The following SKOR2 variants were observed in gnomAD, a reference collection of about 807,000 sequenced individuals.
SKOR2 encodes the protein SKI family transcriptional corepressor 2, also known as LBX1 corepressor 1-like protein.
Under a neutral mutation model 69.1 loss-of-function variants are expected in SKOR2, and 47 were observed. The observed-to-expected ratio is 0.68, with a 90% CI of 0.54 to 0.87. SKOR2 has a LOEUF of 0.87. SKOR2 is among the 40% of genes least tolerant of loss of function. The pLI, the probability that SKOR2 is intolerant of heterozygous loss-of-function variation, is 0.00. For missense variants in SKOR2, 1,404 were observed against 1,472.2 expected (o/e 0.95, Z 0.76); for synonymous variants, 717 against 672.6 (o/e 1.07, Z -1.02).
intron 6 of SKOR2, among the ~76,000 whole-genome samples, chr18:47,224,872 G>A (rs1166028943): frequency 3.9e-5 from 6 of 151,950 alleles, no homozygotes; most frequent in Non-Finnish European, 8.8e-5. Context: ...CTCCTGCCTC[G>A]ACTTCCCAAA....
chr18:47,234,711 A>C (rs2064214168), intron 4 of SKOR2, among the ~76,000 whole-genome samples: 1 of 152,010 alleles, frequency 6.6e-6, no homozygotes, highest in Admixed American at 6.6e-5. Context: ...AAATACAAAA[A>C]CTAGCTGGGC....
intron 4 of SKOR2, among the ~76,000 whole-genome samples, chr18:47,238,234 A>G (rs920811536): frequency 6.6e-6 from 1 of 151,968 alleles, no homozygotes; most frequent in Non-Finnish European, 1.5e-5. Context: ...TCCACAGAGG[A>G]AGTCTGCAGA....
At chr18:47,238,849 T>G (rs892845515) in intron 4 of SKOR2, among the ~76,000 whole-genome samples, 1 of 152,220 alleles carries the variant, frequency 6.6e-6, no homozygotes, top group African/African-American at 2.4e-5. Context: ...AATCTTTGCA[T>G]GCTGCTCCCA....
At chr18:47,241,799 T>A (rs1366140052) in intron 4 of SKOR2, among the ~76,000 whole-genome samples, 1 of 152,204 alleles carries the variant, frequency 6.6e-6, no homozygotes, top group Non-Finnish European at 1.5e-5. Context: ...TAAGATTGTA[T>A]AACCTCCTAC....
intron 4 of SKOR2, among the ~76,000 whole-genome samples, chr18:47,244,202 AG>A (rs2064260953): frequency 6.6e-6 from 1 of 151,936 alleles, no homozygotes; most frequent in African/African-American, 2.4e-5. Flanking sequence ...CTCACTTCCT[AG>A]CTTGCTCTCT....
Position 47,247,500 on chromosome 18 carries a change from G to C in SKOR2, c.1684C>G (p.Pro562Ala). The C allele has an allele frequency of 1.7e-6, 2 of 1,209,270 alleles. No individual in the cohort carries two copies. Among genetic ancestry groups the C allele is most frequent in the African/African-American group, 1.6e-5 (1 of 63,228 alleles). 74.9% of individuals were successfully genotyped at this position (1,209,270 alleles called of 1,614,324 possible). A position where few individuals can be genotyped will look rare whatever the true frequency, so the allele number is the denominator to read the frequency against. Reference sequence around the variant, plus strand: ...CTGCAGTCCCCGCCGCTGCCGCCCGGGGGCGACTCGAAGAGCGCGTCGCGA... The same window carrying C: ...CTGCAGTCCCCGCCGCTGCCGCCCGCGGGCGACTCGAAGAGCGCGTCGCGA... The part of the protein sequence containing the change: ...GSRDALFESP[P>A]GGSGGDCSAG... The change falls in exon 2 of 9, where the codon CCG becomes GCG. Residue 562 changes from proline to alanine, a missense_variant. By Grantham distance (27) the Pro-to-Ala change is conservative. Transcript: ENST00000425639. The surrounding 1 kb of genome is among the most constrained non-coding windows in gnomAD (Gnocchi z 6.6).
chr18:47,247,628 G>A lies in SKOR2; in HGVS notation c.1556C>T (p.Ala519Val). 7.5e-7 allele frequency: 1 copy of A among 1,334,150 alleles called. No individual in the cohort carries two copies. The highest frequency in any genetic ancestry group is 9.6e-7 in the Non-Finnish European group (1 of 1,045,782). The allele number at this position is 1,334,150 out of a possible 1,614,324, so 82.6% of individuals were successfully genotyped here. ...AFLDLAEPGG[A>V]AGSAEAAPPP... ...GGGCGCGGCCTCGGCGCTCCCAGCA[G>A]CACCGCCTGGCTCAGCCAGGTCCAG... The change falls in exon 2 of 9, where the codon GCT becomes GTT. Residue 519 changes from alanine (A) to valine (V), a missense_variant. Around this residue, in one of 3 missense-constraint regions of SKOR2, gnomAD observed 1,266 missense variants for 1,309.9 expected, o/e 0.97. Coordinates refer to ENST00000425639, the MANE Select transcript of SKOR2 (RefSeq NM_001278063.4). The surrounding 1 kb of genome is among the most constrained non-coding windows in gnomAD (Gnocchi z 6.6).
At chr18:47,211,936 G>T in intron 8 of SKOR2, 150 bp downstream of exon 8, 1 of 593,808 alleles carries the variant, frequency 1.7e-6, no homozygotes, top group Non-Finnish European at 2.5e-6. Flanking sequence ...CCCATCCCCA[G>T]ACATAATGAA....
chr18:47,210,396 G>A (rs185697797), intron 8 of SKOR2, among the ~76,000 whole-genome samples: 532 of 152,188 alleles, frequency 3.5e-3, no homozygotes, highest in African/African-American at 0.012. Context: ...GTTTTGATTC[G>A]TAAACCTCAT....
Position 47,218,019 on chromosome 18 carries a change from C to T in SKOR2, c.2985+1924G>A, listed in dbSNP as rs144587932. ...ATGATTTGGTAATACCAGTTTTAAT[C>T]TTCCATGTACCAAATATCTCAAAAG... On this transcript the variant is annotated intron_variant, in intron 7 of 8. Coordinates refer to ENST00000425639, the MANE Select transcript of SKOR2 (RefSeq NM_001278063.4). 2.0e-3 allele frequency among the ~76,000 whole-genome samples: 312 copies of T among 152,220 alleles called. 1 individual carries two copies. Among genetic ancestry groups the T allele is most frequent in the African/African-American group, 7.1e-3 (293 of 41,540 alleles).
At chr18:47,210,480 T>C (rs1348309210) in intron 8 of SKOR2, among the ~76,000 whole-genome samples, 1 of 152,192 alleles carries the variant, frequency 6.6e-6, no homozygotes, top group Non-Finnish European at 1.5e-5. Flanking sequence ...TATTTTCTCT[T>C]GAAAGAAAAT....
chr18:47,247,573 G>T lies in SKOR2; in HGVS notation c.1611C>A (p.Ala537=). Residue 537 remains alanine, a synonymous_variant, in exon 2 of 9, where the codon GCC becomes GCA. Coordinates refer to ENST00000425639, the MANE Select transcript of SKOR2 (RefSeq NM_001278063.4). The surrounding 1 kb of genome is among the most constrained non-coding windows in gnomAD (Gnocchi z 6.6). ...GAGGTGGGCCGGAGCCCGGGCCGTTGGCCACTACCTGCGGGGGCTGCCCCG... is the reference window on the plus strand; with the variant it reads ...GAGGTGGGCCGGAGCCCGGGCCGTTTGCCACTACCTGCGGGGGCTGCCCCG... The part of the protein sequence containing the change: ...PPPGQPPQVV[A]NGPGSGPPPP... The T allele has an allele frequency of 8.0e-7, 1 of 1,245,368 alleles. No individual in the cohort carries two copies. The highest frequency in any genetic ancestry group is 3.2e-5 in the South Asian group (1 of 31,278). The allele number at this position is 1,245,368 out of a possible 1,614,324, so 77.1% of individuals were successfully genotyped here. A position where few individuals can be genotyped will look rare whatever the true frequency, so the allele number is the denominator to read the frequency against.
In SKOR2 at chr18:47,230,494, T is replaced by C. The variant is rs983648057; in HGVS notation, c.2882A>G (p.Gln961Arg). The change falls in exon 6 of 9, where the codon CAG becomes CGG. Residue 961 changes from glutamine to arginine, a missense_variant. Around this residue, in one of 3 missense-constraint regions of SKOR2, gnomAD observed 1,266 missense variants for 1,309.9 expected, o/e 0.97. Coordinates refer to ENST00000425639, the MANE Select transcript of SKOR2 (RefSeq NM_001278063.4). ...GAAAGATGTGTTTCCTTTTAACACC[T>C]GGAATTCTTGTTCCAGTCGTCTCCG... ...DLRRRLEQEF[Q>R]VLKGNTSFPV... 4.1e-6 allele frequency: 6 copies of C among 1,453,272 alleles called. No individual in the cohort carries two copies. Among genetic ancestry groups the C allele is most frequent in the South Asian group, 1.5e-5 (1 of 66,976 alleles). 90.0% of individuals were successfully genotyped at this position (1,453,272 alleles called of 1,614,324 possible). A position where few individuals can be genotyped will look rare whatever the true frequency, so the allele number is the denominator to read the frequency against.
At chr18:47,223,667 T>C (rs943060670) in intron 6 of SKOR2, among the ~76,000 whole-genome samples, 4 of 152,154 alleles carry the variant, frequency 2.6e-5, no homozygotes, top group African/African-American at 9.7e-5. Flanking sequence ...TAAAAAATGT[T>C]GTGTATTACA....
At chr18:47,218,723 C>T (rs1380397098) in intron 7 of SKOR2, among the ~76,000 whole-genome samples, 1 of 151,810 alleles carries the variant, frequency 6.6e-6, no homozygotes, top group Non-Finnish European at 1.5e-5. Context: ...TAAATACATT[C>T]ACAGCAGTAA....
chr18:47,230,700 A>T (rs1457256677), intron 5 of SKOR2, 143 bp from the exon 6 acceptor site: 7 of 653,740 alleles, frequency 1.1e-5, no homozygotes, highest in Non-Finnish European at 1.7e-5. Context: ...GATTTTGTGC[A>T]GAAATCCATG....
Position 47,245,495 on chromosome 18 carries a change from T to TTTTTTTTTTAA in SKOR2, c.2677+2_2677+3insTTAAAAAAAAA. The TTTTTTTTTTAA allele has an allele frequency of 3.4e-6, 5 of 1,470,306 alleles. No individual in the cohort carries two copies. The highest frequency in any genetic ancestry group is 4.5e-6 in the Non-Finnish European group (5 of 1,116,522). The allele number at this position is 1,470,306 out of a possible 1,614,324, so 91.1% of individuals were successfully genotyped here. ...GGCAGCTGATTTTTTTTTTTTTTTT[T>TTTTTTTTTTAA]ACCTGAAAAGCTGTTGTCATCCTTT... On this transcript the variant is annotated splice_region_variant and intron_variant, in intron 3 of 8. Coordinates refer to ENST00000425639, the MANE Select transcript of SKOR2 (RefSeq NM_001278063.4).
rs185946048 is a variant in SKOR2, at chr18:47,214,514, C to G, written c.2986-2363G>C. ...AAGCAAAAAGTAATGAGCTGAGAAT[C>G]ATGTATTTTTCCATTCTAAGTCCTA... On this transcript the variant is annotated intron_variant, in intron 7 of 8. Transcript: ENST00000425639. Among the ~76,000 whole-genome samples, 68 of 152,146 alleles carry G rather than the reference C, an allele frequency of 4.5e-4. 1 individual carries two copies. Among genetic ancestry groups the G allele is most frequent in the Admixed American group, 3.3e-4 (5 of 15,286 alleles).
In SKOR2 at chr18:47,245,495, T is replaced by TTTTTTTTTTTTTTAAATTA; in HGVS notation, c.2677+2_2677+3insTAATTTAAAAAAAAAAAAA. 6.8e-7 allele frequency: 1 copy of TTTTTTTTTTTTTTAAATTA among 1,470,348 alleles called. No homozygotes were observed. The highest frequency in any genetic ancestry group is 9.0e-7 in the Non-Finnish European group (1 of 1,116,558). The allele number at this position is 1,470,348 out of a possible 1,614,324, so 91.1% of individuals were successfully genotyped here. ...GGCAGCTGATTTTTTTTTTTTTTTT[T>TTTTTTTTTTTTTTAAATTA]ACCTGAAAAGCTGTTGTCATCCTTT... On this transcript the variant is annotated splice_region_variant and intron_variant, in intron 3 of 8. Coordinates refer to ENST00000425639, the MANE Select transcript of SKOR2 (RefSeq NM_001278063.4).
Sources: gnomAD v4.1 joint callset for allele counts (sites outside exome capture counted in the v4.1 genomes callset) on GRCh38, gnomAD v4.1.1 for gene constraint, gnomAD v4.1.1 regional missense constraint, Gnocchi (gnomAD v3.1) non-coding constraint, MANE v1.5 for transcripts, NCBI Gene and HGNC (gene_info 2026-07-23, HGNC 2026-07-21) for gene names.